NFIA: variants seen among roughly 807,000 people sequenced by gnomAD.
NFIA encodes nuclear factor 1 A-type.
A neutral mutation model predicts 62.8 loss-of-function variants in NFIA; 8 were observed. That is an observed-to-expected ratio of 0.13 (90% CI 0.07 to 0.23). NFIA has a LOEUF of 0.23. Among genes scored for constraint, NFIA ranks in the 10% least tolerant of loss-of-function variants. The probability of loss-of-function intolerance (pLI) is 1.00; values close to 1 mark genes in which losing one functional copy is unlikely to be tolerated. For synonymous variants in NFIA, 235 were observed against 238.1 expected (o/e 0.99, Z 0.12); for missense variants, 410 against 642.1 (o/e 0.64, Z 3.91).
chr1:61,422,746 TAA>T (rs55752729), intron 9 of NFIA, among the ~76,000 whole-genome samples: 12 of 135,576 alleles, frequency 8.9e-5, no homozygotes, highest in East Asian at 2.1e-4. Context: ...CGTCTCTATT[TAA>T]AAAAAAAAAA....
intron 2 of NFIA, among the ~76,000 whole-genome samples, chr1:61,182,968 T>C (rs1355668534): frequency 6.6e-6 from 1 of 152,220 alleles, no homozygotes; most frequent in Non-Finnish European, 1.5e-5. Context: ...CTTGCAAGTT[T>C]TCCAAAAAGA....
chr1:61,157,496 T>C (rs2100530656), intron 2 of NFIA, among the ~76,000 whole-genome samples: 1 of 152,348 alleles, frequency 6.6e-6, no homozygotes, highest in Non-Finnish European at 1.5e-5. Context: ...CTTGTCTGAG[T>C]ACCATTGGAA....
chr1:61,295,027 A>G (rs1216649474), intron 3 of NFIA, among the ~76,000 whole-genome samples: 1 of 152,210 alleles, frequency 6.6e-6, no homozygotes, highest in Non-Finnish European at 1.5e-5. Flanking sequence ...GGTTTCGAGC[A>G]GGGTGTGAAA....
chr1:61,187,206 T>TACG (rs1194507838), intron 2 of NFIA, among the ~76,000 whole-genome samples: 1 of 152,228 alleles, frequency 6.6e-6, no homozygotes, highest in Admixed American at 6.5e-5. Flanking sequence ...TAACTACTAC[T>TACG]ACGACTGCTA....
At chr1:61,243,284 A>C (rs1655452452) in intron 2 of NFIA, among the ~76,000 whole-genome samples, 1 of 152,210 alleles carries the variant, frequency 6.6e-6, no homozygotes, top group Admixed American at 6.5e-5. Flanking sequence ...AATGTGTGAT[A>C]TGCAAGGTGT....
intron 6 of NFIA, among the ~76,000 whole-genome samples, chr1:61,374,234 G>T (rs892004375): frequency 5.9e-5 from 9 of 152,062 alleles, no homozygotes; most frequent in African/African-American, 2.2e-4. Flanking sequence ...GAAATAATTT[G>T]GTTTTCTCAG....
At chr1:61,452,934 A>G (rs889734917) in intron 10 of NFIA, among the ~76,000 whole-genome samples, 12 of 152,260 alleles carry the variant, frequency 7.9e-5, no homozygotes, top group East Asian at 1.9e-4. Context: ...CAATAGGGCA[A>G]AAAGAAAAAG....
chr1:61,380,960 A>G (rs1237498308), intron 6 of NFIA, among the ~76,000 whole-genome samples: 1 of 152,146 alleles, frequency 6.6e-6, no homozygotes, highest in East Asian at 1.9e-4. Context: ...TCATGTCAAT[A>G]TTTCTGCAGT....
intron 7 of NFIA, among the ~76,000 whole-genome samples, chr1:61,401,187 T>C (rs1170127465): frequency 1.3e-5 from 2 of 152,182 alleles, no homozygotes; most frequent in Non-Finnish European, 2.9e-5. Flanking sequence ...GATGACCCTT[T>C]AAAATGCAGA....
At chr1:61,278,113 G>A (rs1248091927) in intron 3 of NFIA, among the ~76,000 whole-genome samples, 1 of 151,968 alleles carries the variant, frequency 6.6e-6, no homozygotes, top group Non-Finnish European at 1.5e-5. Context: ...AAATAAAATA[G>A]TGAGGATACA....
chr1:61,355,124 T>G (rs1359289375), intron 5 of NFIA, among the ~76,000 whole-genome samples: 10 of 152,206 alleles, frequency 6.6e-5, no homozygotes, highest in African/African-American at 2.4e-4. Flanking sequence ...TACCTTATTT[T>G]TTAGATATAA....
chr1:61,108,507 G>A (rs919765932), intron 2 of NFIA, among the ~76,000 whole-genome samples: 6 of 151,222 alleles, frequency 4.0e-5, no homozygotes, highest in Admixed American at 6.6e-5. Context: ...TTACTATTTC[G>A]ATAATCATAT....
At chr1:61,300,569 T>C (rs1310658957) in intron 3 of NFIA, among the ~76,000 whole-genome samples, 1 of 152,074 alleles carries the variant, frequency 6.6e-6, no homozygotes, top group Non-Finnish European at 1.5e-5. Flanking sequence ...TTACAACCAA[T>C]ATTGTTTTAG....
chr1:61,334,233 G>C (rs1020985272), intron 4 of NFIA, among the ~76,000 whole-genome samples: 3 of 151,974 alleles, frequency 2.0e-5, no homozygotes, highest in East Asian at 1.9e-4. Context: ...CCTAAGAAAT[G>C]AGACATTAGG....
chr1:61,290,088 T>A (rs186449806), intron 3 of NFIA, among the ~76,000 whole-genome samples: 3 of 152,028 alleles, frequency 2.0e-5, no homozygotes, highest in Non-Finnish European at 2.9e-5. Flanking sequence ...AACACTTTGT[T>A]CTTTTTTTCT....
At chr1:61,082,094 A>G (rs1360182160), upstream of NFIA, 1 of 1,490,470 alleles carries the variant, frequency 6.7e-7, no homozygotes, top group South Asian at 1.2e-5. Context: ...GACGAGGAAA[A>G]GTAGTTTTGT....
chr1:61,150,629 G>T (rs2100520132), intron 2 of NFIA, among the ~76,000 whole-genome samples: 1 of 152,272 alleles, frequency 6.6e-6, no homozygotes, highest in African/African-American at 2.4e-5. Flanking sequence ...TATCGATAAT[G>T]GTTGTCTTTG....
At chr1:61,082,139 C>T (rs1332531827), upstream of NFIA, 12 of 1,084,234 alleles carry the variant, frequency 1.1e-5, no homozygotes, top group Non-Finnish European at 1.6e-5. Flanking sequence ...CCTATAGCTG[C>T]CCGGGAGTAC....
At chr1:61,413,847 C>G (rs1041359432) in intron 9 of NFIA, among the ~76,000 whole-genome samples, 2 of 151,870 alleles carry the variant, frequency 1.3e-5, no homozygotes, top group Non-Finnish European at 2.9e-5. Context: ...AGGCTGGTCT[C>G]GAACTCCTGA....
Sources: gnomAD v4.1 joint callset for allele counts (sites outside exome capture counted in the v4.1 genomes callset) on GRCh38, gnomAD v4.1.1 for gene constraint, MANE v1.5 for transcripts, NCBI Gene and HGNC (gene_info 2026-07-23, HGNC 2026-07-21) for gene names.